Variants in GON4L observed in about 807,000 individuals in gnomAD.
The protein encoded by GON4L is gon-4 like.
A neutral mutation model predicts 211.8 loss-of-function variants in GON4L; 87 were observed. The ratio of observed to expected loss-of-function variants is 0.41; its 90% CI spans 0.35 to 0.49. The LOEUF (loss-of-function observed/expected upper bound fraction) is 0.49, where lower values mean the gene tolerates loss of function less well. GON4L is among the 20% of genes least tolerant of loss of function. GON4L has a pLI of 0.15. For missense variants in GON4L, 2,155 were observed against 2,659.5 expected, an observed-to-expected ratio of 0.81 and a Z score of 4.17; for synonymous variants, 875 against 962.6, an observed-to-expected ratio of 0.91 and a Z score of 1.68.
intron 10 of GON4L, among the ~76,000 whole-genome samples, chr1:155,811,581 C>A (rs1667777935): frequency 6.7e-6 from 1 of 149,840 alleles, no homozygotes; most frequent in Non-Finnish European, 1.5e-5. Context: ...TGTGGTGAAA[C>A]CCCATCTCTA....
intron 14 of GON4L, among the ~76,000 whole-genome samples, chr1:155,783,677 G>A (rs879244615): frequency 2.0e-5 from 3 of 152,208 alleles, no homozygotes; most frequent in African/African-American, 7.2e-5. Context: ...ATTACAATAT[G>A]GGGTAGTTTG....
chr1:155,852,058 G>A (rs969932966), intron 2 of GON4L, among the ~76,000 whole-genome samples: 1 of 149,448 alleles, frequency 6.7e-6, no homozygotes, highest in Admixed American at 6.7e-5. Context: ...CCAGCTACTC[G>A]CGAGGCTGAA....
At chr1:155,839,168 G>A (rs1043214282) in intron 2 of GON4L, among the ~76,000 whole-genome samples, 10 of 152,160 alleles carry the variant, frequency 6.6e-5, no homozygotes, top group South Asian at 4.1e-4. Flanking sequence ...CAGGTAGAAA[G>A]GAACCAGTAA....
intron 2 of GON4L, among the ~76,000 whole-genome samples, chr1:155,838,540 C>T (rs896246914): frequency 2.0e-5 from 3 of 151,872 alleles, no homozygotes; most frequent in Admixed American, 6.6e-5. Context: ...TTTGGGTGGC[C>T]AAGGCAGGTG....
chr1:155,789,392 G>A (rs1350429290), intron 12 of GON4L, among the ~76,000 whole-genome samples: 1 of 152,066 alleles, frequency 6.6e-6, no homozygotes. Flanking sequence ...ACCACTTTGG[G>A]AGGCAGAGGT....
chr1:155,835,463 TAAAAAA>T (rs113957550), intron 2 of GON4L, among the ~76,000 whole-genome samples: 2 of 139,680 alleles, frequency 1.4e-5, no homozygotes, highest in African/African-American at 5.3e-5. Context: ...AATGATCAAT[TAAAAAA>T]AAAAAAAAAT....
intron 12 of GON4L, among the ~76,000 whole-genome samples, chr1:155,787,735 T>A (rs1049232847): frequency 6.6e-6 from 1 of 151,724 alleles, no homozygotes; most frequent in Non-Finnish European, 1.5e-5. Flanking sequence ...ACAGCACCAA[T>A]GCACTCCAGC....
intron 18 of GON4L, 115 bp downstream of exon 18, chr1:155,772,951 G>C (rs904762537): frequency 7.3e-7 from 1 of 1,376,368 alleles, no homozygotes. Flanking sequence ...TTTTCCTTTT[G>C]TCTTTTGTGT....
chr1:155,768,830 T>C (rs1435441113), intron 19 of GON4L, among the ~76,000 whole-genome samples: 3 of 152,192 alleles, frequency 2.0e-5, no homozygotes, highest in Non-Finnish European at 2.9e-5. Flanking sequence ...TTTTGAAAAT[T>C]CATGATAATA....
chr1:155,786,115 A>AACG (rs1222517647), intron 12 of GON4L, among the ~76,000 whole-genome samples: 5 of 151,546 alleles, frequency 3.3e-5, no homozygotes, highest in Non-Finnish European at 5.9e-5. Context: ...CAACAACAAC[A>AACG]ACAACAACAA....
intron 14 of GON4L, among the ~76,000 whole-genome samples, chr1:155,781,300 G>A (rs545540689): frequency 1.3e-4 from 19 of 151,608 alleles, no homozygotes; most frequent in Admixed American, 6.6e-4. Flanking sequence ...CTGCCAACAC[G>A]TCCGACTAAT....
intron 13 of GON4L, 166 bp downstream of exon 13, chr1:155,785,168 G>C (rs1664815779): frequency 1.4e-6 from 1 of 722,044 alleles, no homozygotes; most frequent in African/African-American, 1.7e-5. Context: ...GAGTCTAGTA[G>C]TTAGCAAAAT....
At chr1:155,826,083 C>A (rs1253535896) in intron 3 of GON4L, among the ~76,000 whole-genome samples, 1 of 151,864 alleles carries the variant, frequency 6.6e-6, no homozygotes, top group African/African-American at 2.4e-5. Context: ...TGTGACGGCA[C>A]GCGCTTATAG....
At position 155,762,302 on chromosome 1, in the gene GON4L, C is replaced by T. The variant is rs756557217; in HGVS notation, c.4799G>A (p.Arg1600Gln). The change falls in exon 23 of 32, where the codon CGG (arginine) becomes CAG (glutamine). Residue 1600 changes from arginine to glutamine, a missense_variant. Arg to Gln is a conservative substitution (Grantham distance 43). Around this residue, in one of 6 missense-constraint regions of GON4L, gnomAD observed 455 missense variants for 504.6 expected, o/e 0.90. Transcript: ENST00000368331. ...CAGCTTGGAGGTGTCCTTGCTGGCCCGAGCCCGACTTCCCCGCTTGTTGCG... is the reference window on the plus strand; with the variant it reads ...CAGCTTGGAGGTGTCCTTGCTGGCCTGAGCCCGACTTCCCCGCTTGTTGCG... ...RARNKRGSRA[R>Q]ASKDTSKLLL... The T allele has an allele frequency of 4.3e-6, 7 of 1,613,626 alleles. No homozygotes were observed. Among genetic ancestry groups the T allele is most frequent in the South Asian group, 2.2e-5 (2 of 90,954 alleles).
chr1:155,826,923 C>G lies in GON4L; in HGVS notation c.611G>C (p.Cys204Ser). Residue 204 changes from cysteine to serine, a missense_variant, in exon 3 of 32, where the codon TGT becomes TCT. Cys to Ser is a moderately radical substitution (Grantham distance 112). This residue lies in a region of GON4L where 313 missense variants were observed against 293.2 expected (regional missense o/e 1.07). Transcript: ENST00000368331. Reference sequence around the variant, plus strand: ...GAGTGGCTTTTCTTGAGGAGAGGCACAAACATCTGGCTGGGTTGATTTCCT... The same window carrying G: ...GAGTGGCTTTTCTTGAGGAGAGGCAGAAACATCTGGCTGGGTTGATTTCCT... ...QPRKSTQPDVCASPQEKPLRT... is the reference protein window; with the variant it reads ...QPRKSTQPDVSASPQEKPLRT... The G allele has an allele frequency of 6.2e-7, 1 of 1,613,972 alleles. No individual in the cohort carries two copies. The highest frequency in any genetic ancestry group is 8.5e-7 in the Non-Finnish European group (1 of 1,179,846).
chr1:155,814,477 T>C (rs1383695646), intron 8 of GON4L, 28 bp from the exon 9 acceptor site: 2 of 1,610,212 alleles, frequency 1.2e-6, no homozygotes, highest in Non-Finnish European at 8.5e-7. Context: ...TTCGCCTTAA[T>C]ATTTATGCCC....
intron 18 of GON4L, 152 bp from the exon 19 acceptor site, chr1:155,771,369 G>T: frequency 2.2e-6 from 2 of 921,920 alleles, no homozygotes; most frequent in Non-Finnish European, 3.4e-6. Context: ...TGGCACCATC[G>T]CAGCTCACTG....
chr1:155,754,080 T>C (rs1660892026), intron 28 of GON4L: 1 of 418,918 alleles, frequency 2.4e-6, no homozygotes, highest in Non-Finnish European at 4.5e-6. Flanking sequence ...GGATTACTTG[T>C]AGAGACTATT....
chr1:155,813,531 C>G (rs998918499), intron 10 of GON4L, 103 bp downstream of exon 10: 2 of 856,808 alleles, frequency 2.3e-6, no homozygotes, highest in African/African-American at 3.3e-5. Context: ...CTAACTCTTA[C>G]TTATATAAAA....
Sources: allele counts gnomAD v4.1 joint callset (sites outside exome capture counted in the v4.1 genomes callset), GRCh38; gene constraint gnomAD v4.1.1; regional missense constraint gnomAD v4.1.1; transcripts MANE v1.5; gene names NCBI Gene and HGNC (gene_info 2026-07-23, HGNC 2026-07-21).